The following PARN variants were observed in gnomAD, a reference collection of about 807,000 sequenced individuals.
The protein encoded by PARN is poly(A)-specific ribonuclease PARN.
In PARN, 71 loss-of-function variants were observed where a neutral mutation model predicts 102.8. The ratio of observed to expected loss-of-function variants is 0.69; its 90% confidence interval spans 0.57 to 0.84. PARN has a LOEUF of 0.84. Among genes scored for constraint, PARN ranks in the 40% least tolerant of loss-of-function variants. The probability of loss-of-function intolerance (pLI) is 0.00; values close to 1 mark genes in which losing one functional copy is unlikely to be tolerated. For missense variants in PARN, 782 were observed against 760.9 expected, an observed-to-expected ratio of 1.03 and a Z score of -0.33; for synonymous variants, 261 against 252.9, an observed-to-expected ratio of 1.03 and a Z score of -0.30.
chr16:14,629,984 G>A (rs1419789204), intron 1 of PARN, 123 bp downstream of exon 1: 3 of 889,076 alleles, frequency 3.4e-6, no homozygotes, highest in Non-Finnish European at 5.3e-6. Flanking sequence ...GCTTAAGGAG[G>A]GAAAAGCCCT....
intron 21 of PARN, among the ~76,000 whole-genome samples, chr16:14,514,852 T>C (rs1367873344): frequency 6.6e-6 from 1 of 152,162 alleles, no homozygotes; most frequent in Non-Finnish European, 1.5e-5. Context: ...GAGTATGGTC[T>C]GGAATAAGCA....
At chr16:14,544,625 A>G (rs1304024674) in intron 21 of PARN, among the ~76,000 whole-genome samples, 1 of 152,164 alleles carries the variant, frequency 6.6e-6, no homozygotes, top group East Asian at 1.9e-4. Flanking sequence ...TAAAAAACAT[A>G]AGGAGGATGA....
At chr16:14,570,443 A>T (rs1259556939) in intron 18 of PARN, among the ~76,000 whole-genome samples, 2 of 151,184 alleles carry the variant, frequency 1.3e-5, no homozygotes, top group Non-Finnish European at 2.9e-5. Flanking sequence ...TGAGGTCAAG[A>T]GTTCGAGACC....
At chr16:14,483,539 T>A (rs1399297381) in intron 21 of PARN, among the ~76,000 whole-genome samples, 1 of 152,168 alleles carries the variant, frequency 6.6e-6, no homozygotes, top group East Asian at 1.9e-4. Context: ...ATTTTATTAA[T>A]TTTTTTAAAT....
Position 14,560,291 on chromosome 16 carries a change from A to C in PARN, c.1263-4582T>G, listed in dbSNP as rs564630665. 5.3e-5 allele frequency among the ~76,000 whole-genome samples: 8 copies of C among 152,354 alleles called. 1 individual carries two copies. Among genetic ancestry groups the C allele is most frequent in the Admixed American group, 3.3e-4 (5 of 15,308 alleles). ...GGACTTTCATCTGCAGATATCAAAAAGACACTCAGACTAACACTTGCACGA... is the reference window on the plus strand; with the variant it reads ...GGACTTTCATCTGCAGATATCAAAACGACACTCAGACTAACACTTGCACGA... On this transcript the variant is annotated intron_variant, in intron 18 of 23. Transcript: ENST00000437198.
chr16:14,482,886 T>C, intron 21 of PARN, 59 bp from the exon 22 acceptor site: 1 of 1,423,262 alleles, frequency 7.0e-7, no homozygotes, highest in Non-Finnish European at 9.4e-7. Flanking sequence ...GCCCCAAAGA[T>C]GACACTTTTG....
intron 23 of PARN, among the ~76,000 whole-genome samples, chr16:14,441,393 TA>T (rs963575798): frequency 6.6e-6 from 1 of 152,156 alleles, no homozygotes; most frequent in Non-Finnish European, 1.5e-5. Flanking sequence ...CTTGAAGGGG[TA>T]AGGCATTGCT....
At chr16:14,499,521 G>C (rs568104815) in intron 21 of PARN, among the ~76,000 whole-genome samples, 1 of 152,318 alleles carries the variant, frequency 6.6e-6, no homozygotes, top group African/African-American at 2.4e-5. Flanking sequence ...TTGCCAGCAG[G>C]AGAATACGAT....
chr16:14,488,937 TG>T (rs1963895409), intron 21 of PARN, among the ~76,000 whole-genome samples: 1 of 151,894 alleles, frequency 6.6e-6, no homozygotes, highest in Non-Finnish European at 1.5e-5. Flanking sequence ...TCCTTATCCT[TG>T]GGTAAATGGA....
intron 21 of PARN, among the ~76,000 whole-genome samples, chr16:14,532,011 T>C (rs1455004686): frequency 6.6e-6 from 1 of 152,022 alleles, no homozygotes; most frequent in Non-Finnish European, 1.5e-5. Flanking sequence ...TGCAGTGAGC[T>C]ATGATCGCAC....
intron 21 of PARN, among the ~76,000 whole-genome samples, chr16:14,505,015 G>T (rs1252094552): frequency 6.6e-6 from 1 of 152,210 alleles, no homozygotes; most frequent in Non-Finnish European, 1.5e-5. Context: ...TGAGATGTGG[G>T]TTGTGATTTT....
At chr16:14,518,987 C>A (rs1965600685) in intron 21 of PARN, among the ~76,000 whole-genome samples, 1 of 151,950 alleles carries the variant, frequency 6.6e-6, no homozygotes, top group South Asian at 2.1e-4. Context: ...AAATCTTAAG[C>A]CATCCTCGAT....
rs770143030 is a variant in PARN, at chr16:14,467,606, T to C, written c.1670+15032A>G. 2.6e-5 allele frequency among the ~76,000 whole-genome samples: 4 copies of C among 152,210 alleles called. No homozygotes were observed. In the South Asian group the frequency reaches 6.2e-4, roughly 24 times the overall value. On this transcript the variant is annotated intron_variant, in intron 22 of 23. Transcript: ENST00000437198. ...CTGATTTCTGCAGCATTGCATGATA[T>C]TGATTACCTTTTAAATTATTTTCCC...
chr16:14,504,689 G>C (rs1024722082), intron 21 of PARN, among the ~76,000 whole-genome samples: 1 of 152,090 alleles, frequency 6.6e-6, no homozygotes, highest in African/African-American at 2.4e-5. Context: ...TAGCTATTTG[G>C]GAAAAAGTAA....
chr16:14,461,998 G>C (rs988021619), intron 22 of PARN, among the ~76,000 whole-genome samples: 1 of 152,200 alleles, frequency 6.6e-6, no homozygotes, highest in African/African-American at 2.4e-5. Context: ...AGCTAGTAGT[G>C]AAGTTTATAC....
chr16:14,608,388 G>A, intron 8 of PARN, 69 bp from the exon 9 acceptor site: 1 of 986,396 alleles, frequency 1.0e-6, no homozygotes, highest in Non-Finnish European at 1.5e-6. Context: ...TCAAGCATTT[G>A]TTGAGAAGGA....
chr16:14,594,448 T>A (rs1186645461), intron 12 of PARN, among the ~76,000 whole-genome samples: 1 of 152,150 alleles, frequency 6.6e-6, no homozygotes, highest in Non-Finnish European at 1.5e-5. Context: ...GCGTGGTGGC[T>A]CACACCTGTT....
At chr16:14,456,071 T>C (rs995086985) in intron 22 of PARN, among the ~76,000 whole-genome samples, 5 of 152,182 alleles carry the variant, frequency 3.3e-5, no homozygotes, top group African/African-American at 7.2e-5. Flanking sequence ...ATCACACATA[T>C]GTGGTTGTAT....
At chr16:14,547,797 C>A (rs528884485) in intron 21 of PARN, among the ~76,000 whole-genome samples, 4 of 152,108 alleles carry the variant, frequency 2.6e-5, no homozygotes, top group Non-Finnish European at 4.4e-5. Flanking sequence ...AAAAGCAACT[C>A]CTTAAATGTA....
Sources: allele counts gnomAD v4.1 joint callset (sites outside exome capture counted in the v4.1 genomes callset), GRCh38; gene constraint gnomAD v4.1.1; transcripts MANE v1.5; gene names NCBI Gene and HGNC (gene_info 2026-07-23, HGNC 2026-07-21).